SMAD5: variants seen among roughly 807,000 people sequenced by gnomAD.
SMAD5 encodes SMAD family member 5, also known as MAD, mothers against decapentaplegic homolog 5.
In SMAD5, 9 loss-of-function variants were observed where a neutral mutation model predicts 43.1. That is an observed-to-expected ratio of 0.21 (90% CI 0.13 to 0.36). The LOEUF (loss-of-function observed/expected upper bound fraction) is 0.36, where lower values mean the gene tolerates loss of function less well. Ranked by LOEUF, SMAD5 falls within the 10% of genes least tolerant of loss-of-function variation. The probability of loss-of-function intolerance (pLI) is 1.00; values close to 1 mark genes in which losing one functional copy is unlikely to be tolerated. For missense variants in SMAD5, 348 were observed against 574.0 expected (o/e 0.61, Z 4.02); for synonymous variants, 190 against 192.4 (o/e 0.99, Z 0.10).
At chr5:136,136,141 C>T (rs931089014) in intron 1 of SMAD5, among the ~76,000 whole-genome samples, 1 of 152,158 alleles carries the variant, frequency 6.6e-6, no homozygotes, top group African/African-American at 2.4e-5. Flanking sequence ...AGGGTGCTTT[C>T]CCATCAAAAC....
intron 7 of SMAD5, among the ~76,000 whole-genome samples, chr5:136,175,842 A>T (rs1754398369): frequency 6.6e-6 from 1 of 151,960 alleles, no homozygotes; most frequent in Admixed American, 6.6e-5. Flanking sequence ...TATTTATTTT[A>T]ATCTCCACTC....
chr5:136,159,937 C>G (rs1383916160), intron 3 of SMAD5, among the ~76,000 whole-genome samples: 7 of 152,134 alleles, frequency 4.6e-5, no homozygotes, highest in African/African-American at 1.7e-4. Flanking sequence ...TGAGATTTTT[C>G]TAAGTGAAAC....
intron 3 of SMAD5, among the ~76,000 whole-genome samples, chr5:136,155,942 T>C (rs1753621517): frequency 1.3e-5 from 2 of 152,234 alleles, no homozygotes; most frequent in Admixed American, 6.5e-5. Context: ...AGTCATCTAT[T>C]GCTGCATGAC....
intron 6 of SMAD5, among the ~76,000 whole-genome samples, chr5:136,174,118 G>C (rs1259429342): frequency 6.6e-6 from 1 of 151,544 alleles, no homozygotes; most frequent in Non-Finnish European, 1.5e-5. Context: ...ATAAATGATT[G>C]TTGGGAAAGG....
At position 136,182,226 on chromosome 5, in the gene SMAD5, C is replaced by T. The variant is rs1213919089; in HGVS notation, c.*4746C>T. 7.6e-6 allele frequency: 1 copy of T among 132,028 alleles called. No homozygotes were observed. 8.2% of individuals were successfully genotyped at this position (132,028 alleles called of 1,614,324 possible). ...CAGTAAGGCCAAAGAATCCCAAGTT[C>T]TTTGTGGAAAAAAAAAAAAAATCTT... On this transcript the variant is annotated 3_prime_UTR_variant, in exon 8 of 8. Transcript: ENST00000545279.
At position 136,180,111 on chromosome 5, in the gene SMAD5, C is replaced by G. The variant is rs1321172012; in HGVS notation, c.*2631C>G. On this transcript the variant is annotated 3_prime_UTR_variant, in exon 8 of 8. Coordinates refer to ENST00000545279, the MANE Select transcript of SMAD5 (RefSeq NM_005903.7). ...TCCTAAAAGTTGTCAACTCCCCACC[C>G]TTGGACTTTAAATGAAAATTTTATT... 1 of 152,158 alleles carries G rather than the reference C, an allele frequency of 6.6e-6. No individual in the cohort carries two copies. The highest frequency in any genetic ancestry group is 2.4e-5 in the African/African-American group (1 of 41,446). 9.4% of individuals were successfully genotyped at this position (152,158 alleles called of 1,614,324 possible).
chr5:136,165,395 T>G (rs970819512), intron 5 of SMAD5, among the ~76,000 whole-genome samples: 1 of 152,048 alleles, frequency 6.6e-6, no homozygotes, highest in Admixed American at 6.6e-5. Flanking sequence ...GTTTGTTTTT[T>G]TATGGCAAAC....
At chr5:136,145,687 C>T (rs892637578) in intron 1 of SMAD5, among the ~76,000 whole-genome samples, 1 of 151,854 alleles carries the variant, frequency 6.6e-6, no homozygotes, top group Admixed American at 6.6e-5. Flanking sequence ...ACTACAGTTG[C>T]CCTTTATTGA....
rs1754631536 is a variant in SMAD5, at chr5:136,181,641, A to G, written c.*4161A>G. Reference sequence around the variant, plus strand: ...TGAATCGAATGTGAGAATTGAAGGCATTTCTTCTGCATAAACAAAGAATTC... The same window carrying G: ...TGAATCGAATGTGAGAATTGAAGGCGTTTCTTCTGCATAAACAAAGAATTC... On this transcript the variant is annotated 3_prime_UTR_variant, in exon 8 of 8. Transcript: ENST00000545279. The G allele has an allele frequency of 6.6e-6, 1 of 152,170 alleles. No individual in the cohort carries two copies. The highest frequency in any genetic ancestry group is 1.5e-5 in the Non-Finnish European group (1 of 67,998). The allele number at this position is 152,170 out of a possible 1,614,324, so 9.4% of individuals were successfully genotyped here.
chr5:136,135,962 G>A (rs11959648), intron 1 of SMAD5, among the ~76,000 whole-genome samples: 54,576 of 151,824 alleles, frequency 0.36, 10,735 homozygotes, highest in African/African-American at 0.54. Flanking sequence ...TCTTCTCATA[G>A]GGTCAAAGAC....
chr5:136,144,573 T>C (rs373962921), intron 1 of SMAD5, among the ~76,000 whole-genome samples: 4 of 151,372 alleles, frequency 2.6e-5, no homozygotes, highest in South Asian at 4.2e-4. Flanking sequence ...GAACTAAATA[T>C]ATTACCTCTT....
chr5:136,141,953 C>G (rs1753095269), intron 1 of SMAD5, among the ~76,000 whole-genome samples: 1 of 151,600 alleles, frequency 6.6e-6, no homozygotes, highest in Admixed American at 6.6e-5. Flanking sequence ...AATTTTGAAA[C>G]CTGTTTTTCC....
At chr5:136,137,951 A>G (rs141621245) in intron 1 of SMAD5, among the ~76,000 whole-genome samples, 5 of 152,316 alleles carry the variant, frequency 3.3e-5, no homozygotes, top group Non-Finnish European at 7.4e-5. Flanking sequence ...CACATTTTAC[A>G]GTCATGATTT....
intron 1 of SMAD5, among the ~76,000 whole-genome samples, chr5:136,139,125 G>A (rs766110550): frequency 1.3e-4 from 16 of 120,594 alleles, no homozygotes; most frequent in Non-Finnish European, 2.2e-4. Context: ...CTAGCTGTGA[G>A]CTCTGTGTGT....
chr5:136,169,436 C>T, intron 5 of SMAD5, among the ~76,000 whole-genome samples: 1 of 152,184 alleles, frequency 6.6e-6, no homozygotes, highest in Non-Finnish European at 1.5e-5. Flanking sequence ...ATCCTTCAAT[C>T]CAATTAGTTT....
intron 1 of SMAD5, among the ~76,000 whole-genome samples, chr5:136,145,889 G>A (rs1360454043): frequency 1.3e-5 from 2 of 151,832 alleles, no homozygotes; most frequent in Admixed American, 1.3e-4. Context: ...ATTACTTTGT[G>A]AAAGACATAG....
At chr5:136,170,303 G>T (rs1754171732) in intron 5 of SMAD5, among the ~76,000 whole-genome samples, 1 of 152,070 alleles carries the variant, frequency 6.6e-6, no homozygotes, top group African/African-American at 2.4e-5. Flanking sequence ...TTTTGATGTA[G>T]CTGTCCAGTT....
At chr5:136,148,856 A>T (rs868748485) in intron 2 of SMAD5, among the ~76,000 whole-genome samples, 1 of 151,900 alleles carries the variant, frequency 6.6e-6, no homozygotes, top group South Asian at 2.1e-4. Flanking sequence ...CTGATTTTAT[A>T]AGTGATCAGT....
intron 5 of SMAD5, among the ~76,000 whole-genome samples, chr5:136,167,777 CAA>C (rs1016927753): frequency 3.7e-4 from 21 of 56,384 alleles, no homozygotes; most frequent in Middle Eastern, 0.012. Context: ...GATTCCATCT[CAA>C]AAAAAAAAAA....
Sources: gnomAD v4.1 joint callset for allele counts (sites outside exome capture counted in the v4.1 genomes callset) on GRCh38, gnomAD v4.1.1 for gene constraint, MANE v1.5 for transcripts, NCBI Gene and HGNC (gene_info 2026-07-23, HGNC 2026-07-21) for gene names.